The following GRIA1 variants were observed in gnomAD, a reference collection of about 807,000 sequenced individuals.
GRIA1 encodes glutamate receptor 1.
GRIA1 carries 31 observed loss-of-function variants against 99.2 expected under a neutral mutation model. The observed-to-expected ratio is 0.31, with a 90% CI of 0.23 to 0.42. The LOEUF is 0.42. Among genes scored for constraint, GRIA1 ranks in the 10% least tolerant of loss-of-function variants. The pLI, the probability that GRIA1 is intolerant of heterozygous loss-of-function variation, is 1.00. For synonymous variants in GRIA1, 438 were observed against 432.4 expected, an observed-to-expected ratio of 1.01 and a Z score of -0.16; for missense variants, 782 against 1,157.5, an observed-to-expected ratio of 0.68 and a Z score of 4.71.
intron 13 of GRIA1, among the ~76,000 whole-genome samples, chr5:153,778,290 A>C (rs143608919): frequency 1.2e-3 from 186 of 151,858 alleles, no homozygotes; most frequent in South Asian, 0.011. Flanking sequence ...TGTGGGATGC[A>C]TTTCAGAGAG....
intron 5 of GRIA1, among the ~76,000 whole-genome samples, chr5:153,657,948 A>G (rs1755074973): frequency 6.6e-6 from 1 of 152,146 alleles, no homozygotes; most frequent in South Asian, 2.1e-4. Flanking sequence ...CTTCGGAGTG[A>G]GGAAAGCCCT....
chr5:153,663,511 A>G (rs1755524174), intron 5 of GRIA1, among the ~76,000 whole-genome samples: 1 of 152,202 alleles, frequency 6.6e-6, no homozygotes, highest in South Asian at 2.1e-4. Flanking sequence ...TTTGTACCTC[A>G]GCTGTCTCAC....
In GRIA1 at chr5:153,811,067, C is replaced by T. The variant is rs759869812; in HGVS notation, c.2563C>T (p.Arg855Trp). The T allele has an allele frequency of 2.5e-6, 4 of 1,614,086 alleles. No homozygotes were observed. Among genetic ancestry groups the T allele is most frequent in the Middle Eastern group, 1.7e-4 (1 of 6,058 alleles). Residue 855 changes from arginine (R) to tryptophan (W), a missense_variant, in exon 16 of 16, where the codon CGG becomes TGG. Physicochemically the swap from Arg to Trp is moderately radical, Grantham distance 101 (BLOSUM62 -3). Around this residue, in one of 5 missense-constraint regions of GRIA1, gnomAD observed 76 missense variants for 81.2 expected, o/e 0.94. Transcript: ENST00000285900. Reference sequence around the variant, plus strand: ...ACAGCAATCCATCAACGAAGCCATACGGACATCGACCCTCCCCCGCAACAG... The same window carrying T: ...ACAGCAATCCATCAACGAAGCCATATGGACATCGACCCTCCCCCGCAACAG... ...IPQQSINEAI[R>W]TSTLPRNSGA... is the part of the protein sequence containing the mutation.
At chr5:153,749,223 G>T (rs150291898) in intron 11 of GRIA1, among the ~76,000 whole-genome samples, 5 of 152,140 alleles carry the variant, frequency 3.3e-5, no homozygotes, top group African/African-American at 1.2e-4. Context: ...TAGCTCTGCC[G>T]TGTCTGTGCT....
chr5:153,737,171 A>G (rs1421628223), intron 11 of GRIA1, among the ~76,000 whole-genome samples: 1 of 152,040 alleles, frequency 6.6e-6, no homozygotes, highest in Non-Finnish European at 1.5e-5. Context: ...CATAGTAATA[A>G]TCACTACCTT....
intron 2 of GRIA1, among the ~76,000 whole-genome samples, chr5:153,634,224 A>G (rs1161563782): frequency 6.6e-6 from 1 of 151,776 alleles, no homozygotes; most frequent in Non-Finnish European, 1.5e-5. Flanking sequence ...AGGCTGAGGC[A>G]GGAGAATGGC....
intron 11 of GRIA1, among the ~76,000 whole-genome samples, chr5:153,748,152 G>C (rs1281117291): frequency 6.6e-6 from 1 of 152,140 alleles, no homozygotes; most frequent in Non-Finnish European, 1.5e-5. Flanking sequence ...ATTATATAAA[G>C]ATCACATATA....
At chr5:153,584,486 A>G (rs1397094620) in intron 2 of GRIA1, among the ~76,000 whole-genome samples, 1 of 152,158 alleles carries the variant, frequency 6.6e-6, no homozygotes, top group Non-Finnish European at 1.5e-5. Context: ...TCCCCGTCTC[A>G]ACTGGCTCCC....
chr5:153,585,289 TTCTC>T (rs1181915961), intron 2 of GRIA1, among the ~76,000 whole-genome samples: 1 of 145,842 alleles, frequency 6.9e-6, no homozygotes, highest in South Asian at 2.2e-4. Flanking sequence ...TTTCTTTTCT[TTCTC>T]TCTCTCTTTT....
At chr5:153,770,545 A>G in intron 13 of GRIA1, 130 bp downstream of exon 13, 1 of 849,592 alleles carries the variant, frequency 1.2e-6, no homozygotes, top group Non-Finnish European at 1.8e-6. Flanking sequence ...TTCAACACCT[A>G]TGGGCCTGAA....
At chr5:153,773,112 C>G (rs1763990725) in intron 13 of GRIA1, among the ~76,000 whole-genome samples, 1 of 152,202 alleles carries the variant, frequency 6.6e-6, no homozygotes, top group Non-Finnish European at 1.5e-5. Flanking sequence ...ATCATTGAGT[C>G]AGTGCCTATT....
intron 13 of GRIA1, among the ~76,000 whole-genome samples, chr5:153,775,993 G>A (rs115488919): frequency 7.2e-4 from 109 of 152,166 alleles, no homozygotes; most frequent in African/African-American, 2.5e-3. Flanking sequence ...GATTGGCTGC[G>A]GTCATATTGT....
At chr5:153,620,601 A>C (rs541950939) in intron 2 of GRIA1, among the ~76,000 whole-genome samples, 1 of 152,210 alleles carries the variant, frequency 6.6e-6, no homozygotes, top group African/African-American at 2.4e-5. Flanking sequence ...TGGGTGCCAC[A>C]ACTTGTGTTA....
intron 2 of GRIA1, among the ~76,000 whole-genome samples, chr5:153,580,880 G>A (rs1001030534): frequency 2.0e-5 from 3 of 152,184 alleles, no homozygotes; most frequent in Non-Finnish European, 2.9e-5. Context: ...TGCTCAGTGG[G>A]ACGTCTCTGA....
At chr5:153,492,277 T>C (rs564579711) in intron 1 of GRIA1, 1,045 of 1,535,478 alleles carry the variant, frequency 6.8e-4, no homozygotes, top group Non-Finnish European at 8.3e-4. Context: ...CTTGCTTTGT[T>C]TCCTGACACC....
At chr5:153,714,528 A>G (rs1374018689) in intron 11 of GRIA1, among the ~76,000 whole-genome samples, 2 of 152,216 alleles carry the variant, frequency 1.3e-5, no homozygotes, top group Non-Finnish European at 2.9e-5. Flanking sequence ...ATTTATGGCT[A>G]GCTACATCTT....
chr5:153,779,005 C>A (rs1764463311), intron 13 of GRIA1, among the ~76,000 whole-genome samples: 1 of 152,142 alleles, frequency 6.6e-6, no homozygotes, highest in Non-Finnish European at 1.5e-5. Flanking sequence ...GATTTTTATG[C>A]TCCTGAAAAT....
intron 2 of GRIA1, among the ~76,000 whole-genome samples, chr5:153,511,119 G>A (rs941246402): frequency 7.2e-5 from 11 of 152,170 alleles, no homozygotes; most frequent in Admixed American, 6.5e-5. Context: ...CAGAACAGGC[G>A]GGTCTGATTG....
intron 2 of GRIA1, among the ~76,000 whole-genome samples, chr5:153,504,322 T>C (rs562076016): frequency 1.3e-5 from 2 of 150,708 alleles, no homozygotes; most frequent in East Asian, 3.9e-4. Flanking sequence ...AAAATAGATA[T>C]ATATATATAT....
Sources: gnomAD v4.1 joint callset for allele counts (sites outside exome capture counted in the v4.1 genomes callset) on GRCh38, gnomAD v4.1.1 for gene constraint, gnomAD v4.1.1 regional missense constraint, MANE v1.5 for transcripts, NCBI Gene and HGNC (gene_info 2026-07-23, HGNC 2026-07-21) for gene names.